VPS33B: variants seen among roughly 807,000 people sequenced by gnomAD.
VPS33B encodes the protein VPS33B late endosome and lysosome associated.
A neutral mutation model predicts 95.3 loss-of-function variants in VPS33B; 80 were observed. The ratio of observed to expected loss-of-function variants is 0.84; its 90% CI spans 0.70 to 1.01. The LOEUF is 1.01. Among genes scored for constraint, VPS33B ranks in the 50% least tolerant of loss-of-function variants. The pLI, the probability that VPS33B is intolerant of heterozygous loss-of-function variation, is 0.00. For missense variants in VPS33B, 715 were observed against 773.4 expected, an observed-to-expected ratio of 0.92 and a Z score of 0.90; for synonymous variants, 280 against 280.4, an observed-to-expected ratio of 1.00 and a Z score of 0.01.
intron 6 of VPS33B, 68 bp from the exon 7 acceptor site, chr15:91,008,032 G>T: frequency 1.4e-6 from 2 of 1,467,952 alleles, no homozygotes; most frequent in Non-Finnish European, 1.9e-6. Context: ...GGGAAGGTCC[G>T]CCACAAATAT....
intron 16 of VPS33B, 139 bp from the exon 17 acceptor site, chr15:91,003,270 G>T: frequency 2.3e-6 from 2 of 856,152 alleles, no homozygotes; most frequent in South Asian, 2.8e-5. Flanking sequence ...GTATACATTT[G>T]GTTCTAAATT....
chr15:91,013,671 C>T lies in VPS33B; in HGVS notation c.357+133G>A. On this transcript the variant is annotated intron_variant, in intron 5 of 22. Coordinates refer to ENST00000333371, the MANE Select transcript of VPS33B (RefSeq NM_018668.5). This position sits in a 1 kb window ranked among gnomAD's most constrained non-coding sequence, Gnocchi z 4.5. ...ATAAATTTCTGTTCATTATAAATTACCTAGTCTCAGGTATTCTGTTACAGC... is the reference window on the plus strand; with the variant it reads ...ATAAATTTCTGTTCATTATAAATTATCTAGTCTCAGGTATTCTGTTACAGC... The T allele has an allele frequency of 2.2e-6, 2 of 921,500 alleles. No homozygotes were observed. Among genetic ancestry groups the T allele is most frequent in the Non-Finnish European group, 3.6e-6 (2 of 562,040 alleles). The allele number at this position is 921,500 out of a possible 1,614,324, so 57.1% of individuals were successfully genotyped here.
Position 91,013,699 on chromosome 15 carries a change from C to G in VPS33B, c.357+105G>C, listed in dbSNP as rs997193828. 76 of 1,228,550 alleles carry G rather than the reference C, an allele frequency of 6.2e-5. No homozygotes were observed. Among genetic ancestry groups the G allele is most frequent in the Non-Finnish European group, 8.0e-5 (67 of 834,194 alleles). 76.1% of individuals were successfully genotyped at this position (1,228,550 alleles called of 1,614,324 possible). ...AGTCTCAGGTATTCTGTTACAGCAA[C>G]AGAAAACGAACGGAGACAGGGAGGT... On this transcript the variant is annotated intron_variant, in intron 5 of 22. Transcript: ENST00000333371. This position sits in a 1 kb window ranked among gnomAD's most constrained non-coding sequence, Gnocchi z 4.5.
chr15:91,011,213 T>C lies in VPS33B; in HGVS notation c.358-1367A>G, dbSNP rs548312983. Reference sequence around the variant, plus strand: ...AATATTTTAAAGTAATGAGAAAGAATGCTGAGGGCACTCACATCTGATAAT... The same window carrying C: ...AATATTTTAAAGTAATGAGAAAGAACGCTGAGGGCACTCACATCTGATAAT... On this transcript the variant is annotated intron_variant, in intron 5 of 22. Transcript: ENST00000333371. This position sits in a 1 kb window ranked among gnomAD's most constrained non-coding sequence, Gnocchi z 5.5. Among the ~76,000 whole-genome samples, 1 of 152,344 alleles carries C rather than the reference T, an allele frequency of 6.6e-6. No individual in the cohort carries two copies. The highest frequency in any genetic ancestry group is 2.1e-4 in the South Asian group (1 of 4,832).
In VPS33B at chr15:90,999,870, C is replaced by A; in HGVS notation, c.1657+30G>T. Reference sequence around the variant, plus strand: ...GGTGCATCCAGCCCACCTCTCACTGCCAGCCTACCCCACTGTTAATGCCAC... The same window carrying A: ...GGTGCATCCAGCCCACCTCTCACTGACAGCCTACCCCACTGTTAATGCCAC... On this transcript the variant is annotated intron_variant, in intron 21 of 22. Transcript: ENST00000333371. This position sits in a 1 kb window ranked among gnomAD's most constrained non-coding sequence, Gnocchi z 5.1. 6.2e-7 allele frequency: 1 copy of A among 1,614,172 alleles called. No individual in the cohort carries two copies. Among genetic ancestry groups the A allele is most frequent in the Non-Finnish European group, 8.5e-7 (1 of 1,180,000 alleles).
At chr15:91,017,633 G>A (rs1181867049) in intron 2 of VPS33B, among the ~76,000 whole-genome samples, 172 bp downstream of exon 2, 1 of 151,000 alleles carries the variant, frequency 6.6e-6, no homozygotes, top group Non-Finnish European at 1.5e-5. Flanking sequence ...GTCTCCCGCC[G>A]CAAAAAAACA....
Position 91,005,647 on chromosome 15 carries a change from A to G in VPS33B, c.1030+47T>C. 1.9e-6 allele frequency: 3 copies of G among 1,607,544 alleles called. No individual in the cohort carries two copies. The highest frequency in any genetic ancestry group is 2.6e-6 in the Non-Finnish European group (3 of 1,174,014). ...GTAATGGTCCTCTGGAGCTTTCCCC[A>G]GAGGGACACAGTCACTTCCCCTCAC... On this transcript the variant is annotated intron_variant, in intron 13 of 22. Transcript: ENST00000333371. This position sits in a 1 kb window ranked among gnomAD's most constrained non-coding sequence, Gnocchi z 6.4.
rs16945153 is a variant in VPS33B at position 90,999,901 on chromosome 15, T to A, written c.1656A>T (p.Thr552=). 16,511 of 1,614,110 alleles carry A rather than the reference T, an allele frequency of 0.01. 1,400 individuals are homozygous for A. The African/African-American group carries it at 0.19, about 18-fold the overall frequency. ...TACCCCACTGTTAATGCCACATACC[T>A]GTGAATGCAAAGTCACTGCAGTTGA... ...RLLNCSDFAF[T]DMTKEDKASS... is the part of the protein sequence containing the mutation. The change falls in exon 21 of 23, where the codon ACA becomes ACT. Residue 552 remains threonine (T), a splice_region_variant and synonymous_variant. Coordinates refer to ENST00000333371, the MANE Select transcript of VPS33B (RefSeq NM_018668.5). The surrounding 1 kb of genome is among the most constrained non-coding windows in gnomAD (Gnocchi z 5.1).
rs7183740 is a variant in VPS33B, at chr15:91,015,227, G to T, written c.240-794C>A. On this transcript the variant is annotated intron_variant, in intron 3 of 22. Transcript: ENST00000333371. This position sits in a 1 kb window ranked among gnomAD's most constrained non-coding sequence, Gnocchi z 4.7. The stretch of plus-strand genomic sequence containing the variant: ...GGCGCATGTCTGTAATCCCAGCTAC[G>T]CAGGAGGCTGAGGCAGGAGAATCGC... 3.8e-3 allele frequency among the ~76,000 whole-genome samples: 572 copies of T among 151,452 alleles called. 2 individuals are homozygous for T. The highest frequency in any genetic ancestry group is 0.013 in the African/African-American group (544 of 41,226).
At position 91,022,230 on chromosome 15, in the gene VPS33B, G is replaced by A; in HGVS notation, c.20C>T (p.Pro7Leu). ...GAAGTCAGGCAGCTCAGGGGCGTCC[G>A]GCCGATGGGGAAAAGCCATGGCAGC... MAFPHRPDAPELPDFSM... is the reference protein window; with the variant it reads MAFPHRLDAPELPDFSM... Residue 7 changes from proline to leucine, a missense_variant, in exon 1 of 23, where the codon CCG (proline) becomes CTG (leucine). Transcript: ENST00000333371. The A allele has an allele frequency of 2.5e-6, 4 of 1,578,442 alleles. No individual in the cohort carries two copies. The highest frequency in any genetic ancestry group is 2.3e-5 in the South Asian group (2 of 87,180).
chr15:90,999,200 C>T lies in VPS33B; in HGVS notation c.1775-146G>A. 1 of 770,006 alleles carries T rather than the reference C, an allele frequency of 1.3e-6. No individual in the cohort carries two copies. Among genetic ancestry groups the T allele is most frequent in the South Asian group, 1.5e-5 (1 of 67,606 alleles). 47.7% of individuals were successfully genotyped at this position (770,006 alleles called of 1,614,324 possible). On this transcript the variant is annotated intron_variant, in intron 22 of 22. Coordinates refer to ENST00000333371, the MANE Select transcript of VPS33B (RefSeq NM_018668.5). The surrounding 1 kb of genome is among the most constrained non-coding windows in gnomAD (Gnocchi z 5.1). Reference sequence around the variant, plus strand: ...ACGTGAGTGCCATGCTCTTGGGCACCACTGCTTTCTATGACTGGTATAACT... The same window carrying T: ...ACGTGAGTGCCATGCTCTTGGGCACTACTGCTTTCTATGACTGGTATAACT...
In VPS33B at chr15:90,999,183, G is replaced by C; in HGVS notation, c.1775-129C>G. 1 of 854,228 alleles carries C rather than the reference G, an allele frequency of 1.2e-6. No individual in the cohort carries two copies. The highest frequency in any genetic ancestry group is 1.9e-6 in the Non-Finnish European group (1 of 516,038). The allele number at this position is 854,228 out of a possible 1,614,324, so 52.9% of individuals were successfully genotyped here. A position where few individuals can be genotyped will look rare whatever the true frequency, so the allele number is the denominator to read the frequency against. On this transcript the variant is annotated intron_variant, in intron 22 of 22. Transcript: ENST00000333371. This position sits in a 1 kb window ranked among gnomAD's most constrained non-coding sequence, Gnocchi z 5.1. ...CCAGTTTATAGACAGAGACGTGAGT[G>C]CCATGCTCTTGGGCACCACTGCTTT...
chr15:91,013,300 C>T lies in VPS33B; in HGVS notation c.357+504G>A, dbSNP rs1056310702. On this transcript the variant is annotated intron_variant, in intron 5 of 22. Coordinates refer to ENST00000333371, the MANE Select transcript of VPS33B (RefSeq NM_018668.5). The surrounding 1 kb of genome is among the most constrained non-coding windows in gnomAD (Gnocchi z 4.5). ...AGGATATGTTAATGAATTGAGGATG[C>T]GTTAGTGACAGGTATTAGGTTCAAT... Among the ~76,000 whole-genome samples the T allele has an allele frequency of 4.6e-5, 7 of 152,158 alleles. No individual in the cohort carries two copies. Among genetic ancestry groups the T allele is most frequent in the Admixed American group, 2.6e-4 (4 of 15,288 alleles).
rs2040758653 is a variant in VPS33B at position 91,010,824 on chromosome 15, C to T, written c.358-978G>A. Among the ~76,000 whole-genome samples, 1 of 151,990 alleles carries T rather than the reference C, an allele frequency of 6.6e-6. No homozygotes were observed. On this transcript the variant is annotated intron_variant, in intron 5 of 22. Transcript: ENST00000333371. This position sits in a 1 kb window ranked among gnomAD's most constrained non-coding sequence, Gnocchi z 5.7. ...GAAGGGTGGGCAACAGTGTCAAATG[C>T]CAGGGAAGTTAAGTAGGATTAACAT...
At chr15:91,016,797 G>A (rs2040941097) in intron 3 of VPS33B, among the ~76,000 whole-genome samples, 166 bp downstream of exon 3, 1 of 152,116 alleles carries the variant, frequency 6.6e-6, no homozygotes, top group African/African-American at 2.4e-5. Flanking sequence ...CCACAGAAAG[G>A]AAACTACAGA....
At position 91,001,929 on chromosome 15, in the gene VPS33B, G is replaced by A. The variant is rs139640756; in HGVS notation, c.1405+121C>T. 3 of 1,501,054 alleles carry A rather than the reference G, an allele frequency of 2.0e-6. No individual in the cohort carries two copies. The African/African-American group carries it at 4.1e-5, about 21-fold the overall frequency. 93.0% of individuals were successfully genotyped at this position (1,501,054 alleles called of 1,614,324 possible). ...CAGAAGTAGTAGTAATAATAGTAAT[G>A]ACATTAATAGGAAGGAATCAGTCCA... On this transcript the variant is annotated intron_variant, in intron 18 of 22. Coordinates refer to ENST00000333371, the MANE Select transcript of VPS33B (RefSeq NM_018668.5).
intron 1 of VPS33B, among the ~76,000 whole-genome samples, 199 bp downstream of exon 1, chr15:91,021,955 G>T (rs934638813): frequency 2.0e-5 from 3 of 152,152 alleles, no homozygotes; most frequent in Non-Finnish European, 4.4e-5. Context: ...TGCGGGGTTG[G>T]GGGGTGATTT....
In VPS33B at chr15:91,017,702, A is replaced by G. The variant is rs558827008; in HGVS notation, c.177+103T>C. ...CTTTTCTACCCAATTAAGCTACCCT[A>G]TATTTGCCCTACAAGAGTAGTCACT... is the stretch of plus-strand genomic sequence containing the variant. On this transcript the variant is annotated intron_variant, in intron 2 of 22. Transcript: ENST00000333371. The G allele has an allele frequency of 1.0e-4, 111 of 1,105,008 alleles. 2 individuals carry two copies. The South Asian group carries it at 1.4e-3, about 14-fold the overall frequency. 68.5% of individuals were successfully genotyped at this position (1,105,008 alleles called of 1,614,324 possible).
intron 1 of VPS33B, among the ~76,000 whole-genome samples, chr15:91,019,060 G>C (rs1189226979): frequency 6.8e-6 from 1 of 148,082 alleles, no homozygotes; most frequent in African/African-American, 2.5e-5. Context: ...TGATCCACCT[G>C]CCTCGGCCTC....
Sources: allele counts gnomAD v4.1 joint callset (sites outside exome capture counted in the v4.1 genomes callset), GRCh38; gene constraint gnomAD v4.1.1; non-coding constraint Gnocchi (gnomAD v3.1); transcripts MANE v1.5; gene names NCBI Gene and HGNC (gene_info 2026-07-23, HGNC 2026-07-21).